TPSG1: variants seen among roughly 807,000 people sequenced by gnomAD.
TPSG1 encodes tryptase gamma 1.
TPSG1 carries 43 observed loss-of-function variants against 23.8 expected under a neutral mutation model. The ratio of observed to expected loss-of-function variants is 1.81; its 90% CI spans 1.42 to 2.33. TPSG1 has a LOEUF of 2.33. Ranked by LOEUF, TPSG1 falls within the 30% of genes most tolerant of loss-of-function variation. TPSG1 has a pLI of 0.00. For synonymous variants in TPSG1, 302 were observed against 201.3 expected, an observed-to-expected ratio of 1.50 and a Z score of -4.23; for missense variants, 623 against 438.6, an observed-to-expected ratio of 1.42 and a Z score of -3.75.
intron 4 of TPSG1, 74 bp downstream of exon 4, chr16:1,222,578 G>C: frequency 6.7e-7 from 1 of 1,502,948 alleles, no homozygotes; most frequent in Non-Finnish European, 8.9e-7. Flanking sequence ...GGTAGCATCA[G>C]CATCCCTCAA....
At chr16:1,224,061 T>C (rs905807524) in intron 2 of TPSG1, 1 of 197,366 alleles carries the variant, frequency 5.1e-6, no homozygotes, top group Non-Finnish European at 1.0e-5. Flanking sequence ...GGACGCTTGA[T>C]AATGTAACTT....
chr16:1,222,313 C>G lies in TPSG1; in HGVS notation c.540G>C (p.Arg180=). The change falls in exon 5 of 6, where the codon CGG becomes CGC. Residue 180 remains arginine, a synonymous_variant. Coordinates refer to ENST00000234798, the MANE Select transcript of TPSG1 (RefSeq NM_012467.4). ...GEPLPPPYSL[R]EVKVSVVDTE... Reference sequence around the variant, plus strand: ...TGTCCACCACGGAGACTTTCACCTCCCGCAGGCTGTACGGGGGTGGCAGAG... The same window carrying G: ...TGTCCACCACGGAGACTTTCACCTCGCGCAGGCTGTACGGGGGTGGCAGAG... 3 of 1,608,812 alleles carry G rather than the reference C, an allele frequency of 1.9e-6. No homozygotes were observed. The highest frequency in any genetic ancestry group is 2.5e-6 in the Non-Finnish European group (3 of 1,178,054).
rs745946408 is a variant in TPSG1 at position 1,224,572 on chromosome 16, C to T, written c.73+30G>A. 5 of 1,613,346 alleles carry T rather than the reference C, an allele frequency of 3.1e-6. No individual in the cohort carries two copies. The South Asian group carries it at 4.4e-5, about 14-fold the overall frequency. The stretch of plus-strand genomic sequence containing the variant: ...CCTGCCAGGCCTTGCCTGCACCCTC[C>T]CCCACACCCCACACCTGTCAGAGAC... On this transcript the variant is annotated intron_variant, in intron 2 of 5. Coordinates refer to ENST00000234798, the MANE Select transcript of TPSG1 (RefSeq NM_012467.4).
chr16:1,224,863 G>A (rs986445935), intron 1 of TPSG1: 141 of 610,256 alleles, frequency 2.3e-4, no homozygotes, highest in Admixed American at 6.9e-4. Flanking sequence ...TCAGGCCTGG[G>A]CCTCCTCCCC....
chr16:1,222,287 G>A lies in TPSG1; in HGVS notation c.566C>T (p.Thr189Ile). Residue 189 changes from threonine (T) to isoleucine (I), a missense_variant, in exon 5 of 6, where the codon ACA (threonine) becomes ATA (isoleucine). Physicochemically the swap from Thr to Ile is moderately conservative, Grantham distance 89. Coordinates refer to ENST00000234798, the MANE Select transcript of TPSG1 (RefSeq NM_012467.4). ...GGGATAGTCCCGGCGGCAGGTCTCT[G>A]TGTCCACCACGGAGACTTTCACCTC... is the stretch of plus-strand genomic sequence containing the variant. ...LREVKVSVVDTETCRRDYPGP... is the reference protein window; with the variant it reads ...LREVKVSVVDIETCRRDYPGP... 1 of 1,611,640 alleles carries A rather than the reference G, an allele frequency of 6.2e-7. No homozygotes were observed. The highest frequency in any genetic ancestry group is 8.5e-7 in the Non-Finnish European group (1 of 1,179,564).
intron 2 of TPSG1, chr16:1,223,996 A>C: frequency 1.3e-5 from 3 of 232,668 alleles, no homozygotes; most frequent in South Asian, 7.2e-5. Flanking sequence ...GCTGGATAAA[A>C]TTCGGGGGGC....
At chr16:1,225,095 G>A in intron 1 of TPSG1, 112 bp downstream of exon 1, 1 of 1,365,862 alleles carries the variant, frequency 7.3e-7, no homozygotes, top group Non-Finnish European at 1.0e-6. Context: ...CCCACAGGGT[G>A]GGGACTCAGC....
At chr16:1,223,284 C>T in intron 3 of TPSG1, 139 bp downstream of exon 3, 2 of 1,178,202 alleles carry the variant, frequency 1.7e-6, no homozygotes, top group Non-Finnish European at 2.3e-6. Flanking sequence ...CAACCAGCTC[C>T]TCCCTTTCCA....
chr16:1,223,788 G>A (rs2029991396), intron 2 of TPSG1, 194 bp from the exon 3 acceptor site: 7 of 629,734 alleles, frequency 1.1e-5, no homozygotes, highest in Non-Finnish European at 1.8e-5. Context: ...GAGCGCGCCT[G>A]GGGCTCAGGT....
In TPSG1 at chr16:1,223,425, G is replaced by A. The variant is rs777408938; in HGVS notation, c.243C>T (p.Ser81=). 1.5e-5 allele frequency: 23 copies of A among 1,582,790 alleles called. No individual in the cohort carries two copies. The highest frequency in any genetic ancestry group is 2.1e-4 in the Middle Eastern group (1 of 4,732). Residue 81 remains serine (S), a splice_region_variant and synonymous_variant, in exon 3 of 6, where the codon TCC becomes TCT. Coordinates refer to ENST00000234798, the MANE Select transcript of TPSG1 (RefSeq NM_012467.4). ...QWVLTAAHCF[S]GSLNSSDYQV... The stretch of plus-strand genomic sequence containing the variant: ...CCCCTGCCCACCCGGACACTCACCC[G>A]GAGAAGCAGTGGGCAGCTGTGAGCA...
intron 5 of TPSG1, 25 bp from the exon 6 acceptor site, chr16:1,222,121 G>C: frequency 1.2e-6 from 2 of 1,612,448 alleles, no homozygotes; most frequent in South Asian, 2.2e-5. Context: ...GGCGAGCATT[G>C]GGAGCCGAGA....
chr16:1,225,089 CAG>C, intron 1 of TPSG1, 116 bp downstream of exon 1: 1 of 1,333,794 alleles, frequency 7.5e-7, no homozygotes, highest in Non-Finnish European at 1.0e-6. Flanking sequence ...CGGGGCCCCA[CAG>C]GGTGGGGACT....
At chr16:1,224,504 C>T in intron 2 of TPSG1, 98 bp downstream of exon 2, 3 of 1,489,680 alleles carry the variant, frequency 2.0e-6, no homozygotes, top group Non-Finnish European at 2.8e-6. Flanking sequence ...CCTCCCCGGG[C>T]CCCCATTGGG....
Position 1,221,982 on chromosome 16 carries a change from C to T in TPSG1, c.772G>A (p.Val258Ile), listed in dbSNP as rs970918192. 1.7e-5 allele frequency: 28 copies of T among 1,612,460 alleles called. No individual in the cohort carries two copies. The highest frequency in any genetic ancestry group is 2.7e-5 in the African/African-American group (2 of 74,922). ...RPNRPGVYTR[V>I]PAYVNWIRRH... is the part of the protein sequence containing the mutation. ...CGGATCCAGTTCACGTAGGCAGGGA[C>T]ACGAGTGTAGACTCCCGGCCTGTTG... Residue 258 changes from valine (V) to isoleucine (I), a missense_variant, in exon 6 of 6, where the codon GTC becomes ATC. Physicochemically the swap from Val to Ile is conservative, Grantham distance 29 (BLOSUM62 3). Coordinates refer to ENST00000234798, the MANE Select transcript of TPSG1 (RefSeq NM_012467.4).
In TPSG1 at chr16:1,225,072, G is replaced by A. The variant is rs867833484; in HGVS notation, c.46+135C>T. The A allele has an allele frequency of 7.9e-6, 8 of 1,006,896 alleles. No homozygotes were observed. In the Middle Eastern group the frequency reaches 8.5e-4, roughly 107 times the overall value. The allele number at this position is 1,006,896 out of a possible 1,614,324, so 62.4% of individuals were successfully genotyped here. On this transcript the variant is annotated intron_variant, in intron 1 of 5. Transcript: ENST00000234798. ...CAGCCAGGGGTGCAGTCTCTTCAGA[G>A]GAGACACGGGGCCCCACAGGGTGGG...
chr16:1,221,965 G>T lies in TPSG1; in HGVS notation c.789C>A (p.Asn263Lys). 6.2e-7 allele frequency: 1 copy of T among 1,612,358 alleles called. No individual in the cohort carries two copies. The highest frequency in any genetic ancestry group is 8.5e-7 in the Non-Finnish European group (1 of 1,179,686). ...ATGCTGTGATGTGGCGGCGGATCCA[G>T]TTCACGTAGGCAGGGACACGAGTGT... ...GVYTRVPAYV[N>K]WIRRHITASG... The change falls in exon 6 of 6, where the codon AAC (asparagine) becomes AAA (lysine). Residue 263 changes from asparagine to lysine, a missense_variant. Asn to Lys is a moderately conservative substitution (Grantham distance 94, BLOSUM62 0). Transcript: ENST00000234798.
rs1163385440 is a variant in TPSG1, at chr16:1,222,268, G to C, written c.585C>G (p.Asp195Glu). 1 of 1,611,940 alleles carries C rather than the reference G, an allele frequency of 6.2e-7. No homozygotes were observed. The highest frequency in any genetic ancestry group is 8.5e-7 in the Non-Finnish European group (1 of 1,179,732). ...SVVDTETCRR[D>E]YPGPGGSILQ... ...GGATGCTGCCCCCGGGGCCGGGATA[G>C]TCCCGGCGGCAGGTCTCTGTGTCCA... The change falls in exon 5 of 6, where the codon GAC becomes GAG. Residue 195 changes from aspartate (D) to glutamate (E), a missense_variant. By Grantham distance (45) the Asp-to-Glu change is conservative (BLOSUM62 2). Transcript: ENST00000234798.
In TPSG1 at chr16:1,223,432, C is replaced by T; in HGVS notation, c.236G>A (p.Cys79Tyr). 1.3e-6 allele frequency: 2 copies of T among 1,585,310 alleles called. No homozygotes were observed. Among genetic ancestry groups the T allele is most frequent in the Non-Finnish European group, 8.6e-7 (1 of 1,168,094 alleles). ...SPQWVLTAAHCFSGSLNSSDY... is the reference protein window; with the variant it reads ...SPQWVLTAAHYFSGSLNSSDY... ...CCACCCGGACACTCACCCGGAGAAG[C>T]AGTGGGCAGCTGTGAGCACCCACTG... is the stretch of plus-strand genomic sequence containing the variant. The change falls in exon 3 of 6, where the codon TGC becomes TAC. Residue 79 changes from cysteine (C) to tyrosine (Y), a missense_variant. Physicochemically the swap from Cys to Tyr is radical, Grantham distance 194. Coordinates refer to ENST00000234798, the MANE Select transcript of TPSG1 (RefSeq NM_012467.4).
rs569388108 is a variant in TPSG1 at position 1,221,872 on chromosome 16, G to A, written c.882C>T (p.Phe294=). The change falls in exon 6 of 6, where the codon TTC becomes TTT. Residue 294 remains phenylalanine (F), a synonymous_variant. Coordinates refer to ENST00000234798, the MANE Select transcript of TPSG1 (RefSeq NM_012467.4). The part of the protein sequence containing the change: ...LLAGFFLPGL[F]LLLVSCVLLA... ...GCAGGACACAGGAGACTAGCAGAAG[G>A]AAGAGGCCGGGGAGGAAGAAGCCAG... 9 of 1,612,042 alleles carry A rather than the reference G, an allele frequency of 5.6e-6. No homozygotes were observed. Among genetic ancestry groups the A allele is most frequent in the South Asian group, 2.2e-5 (2 of 90,976 alleles).
Sources: gnomAD v4.1 joint callset for allele counts on GRCh38, gnomAD v4.1.1 for gene constraint, MANE v1.5 for transcripts, NCBI Gene and HGNC (gene_info 2026-07-23, HGNC 2026-07-21) for gene names.